The following DCHS2 variants were observed in gnomAD, a reference collection of about 807,000 sequenced individuals.
The protein encoded by DCHS2 is protocadherin-23.
In DCHS2, 142 loss-of-function variants were observed where a neutral mutation model predicts 182.4. The ratio of observed to expected loss-of-function variants is 0.78; its 90% confidence interval spans 0.68 to 0.89. DCHS2 has a LOEUF of 0.89. DCHS2 is among the 40% of genes least tolerant of loss of function. The pLI, the probability that DCHS2 is intolerant of heterozygous loss-of-function variation, is 0.00. For missense variants in DCHS2, 4,319 were observed against 4,198.6 expected (o/e 1.03, Z -0.79); for synonymous variants, 1,740 against 1,663.3 (o/e 1.05, Z -1.12).
At chr4:154,363,978 C>T (rs1730239218) in intron 3 of DCHS2, among the ~76,000 whole-genome samples, 1 of 152,204 alleles carries the variant, frequency 6.6e-6, no homozygotes, top group Non-Finnish European at 1.5e-5. Flanking sequence ...TACCAGTCCT[C>T]ATGAATTTCT....
intron 10 of DCHS2, 37 bp downstream of exon 10, chr4:154,315,711 A>G (rs1044338727): frequency 1.9e-6 from 3 of 1,593,834 alleles, no homozygotes; most frequent in Admixed American, 1.8e-5. Context: ...AATTTCTTTT[A>G]AGCATTAAAT....
chr4:154,258,059 C>T (rs1402065118), intron 15 of DCHS2, among the ~76,000 whole-genome samples: 1 of 152,232 alleles, frequency 6.6e-6, no homozygotes, highest in Non-Finnish European at 1.5e-5. Context: ...GCCATCCCCA[C>T]TGATCAGCCT....
rs544703550 is a variant in DCHS2, at chr4:154,317,850, C to T, written c.5021-1863G>A. Among the ~76,000 whole-genome samples the T allele has an allele frequency of 3.4e-4, 51 of 152,158 alleles. 1 individual carries two copies. Among genetic ancestry groups the T allele is most frequent in the Middle Eastern group, 6.8e-3 (2 of 294 alleles). ...CAGAGTACCTGACAGTGAATAAATG[C>T]TTCTTCAAAAAAAGAAATGTTACAA... On this transcript the variant is annotated intron_variant, in intron 9 of 19. Transcript: ENST00000357232.
intron 1 of DCHS2, among the ~76,000 whole-genome samples, chr4:154,395,851 A>G (rs1380179819): frequency 6.6e-6 from 1 of 152,214 alleles, no homozygotes; most frequent in Non-Finnish European, 1.5e-5. Context: ...AAGAGTTGCT[A>G]AGTAAGAAGA....
chr4:154,271,474 A>G (rs1733588364), intron 13 of DCHS2, among the ~76,000 whole-genome samples: 1 of 152,198 alleles, frequency 6.6e-6, no homozygotes, highest in Non-Finnish European at 1.5e-5. Context: ...ACAGGAAGCA[A>G]TGAAGAAATG....
At chr4:154,266,148 A>C (rs1733244784) in intron 14 of DCHS2, among the ~76,000 whole-genome samples, 1 of 152,146 alleles carries the variant, frequency 6.6e-6, no homozygotes, top group African/African-American at 2.4e-5. Flanking sequence ...AGTGAGGTAA[A>C]TGACATGGGC....
At chr4:154,268,530 G>C (rs1370440322) in intron 14 of DCHS2, among the ~76,000 whole-genome samples, 1 of 152,138 alleles carries the variant, frequency 6.6e-6, no homozygotes, top group Non-Finnish European at 1.5e-5. Flanking sequence ...TAAAACATAT[G>C]AATTGTTTAT....
At chr4:154,306,367 A>G (rs1393465747) in intron 10 of DCHS2, among the ~76,000 whole-genome samples, 1 of 152,126 alleles carries the variant, frequency 6.6e-6, no homozygotes, top group Non-Finnish European at 1.5e-5. Context: ...TACGTATATT[A>G]TTAATGATAT....
chr4:154,420,846 C>T (rs1244880356), intron 1 of DCHS2, among the ~76,000 whole-genome samples: 1 of 152,216 alleles, frequency 6.6e-6, no homozygotes, highest in Non-Finnish European at 1.5e-5. Context: ...ATCACACCCT[C>T]ATAGTAGGAC....
chr4:154,352,190 G>T (rs1280385438), intron 3 of DCHS2, among the ~76,000 whole-genome samples: 1 of 151,966 alleles, frequency 6.6e-6, no homozygotes, highest in East Asian at 1.9e-4. Flanking sequence ...TTTCTATATG[G>T]ACTTCCAAGA....
chr4:154,297,981 T>C lies in DCHS2; in HGVS notation c.6333A>G (p.Lys2111=). ...SEYFPIWLQL[K]VTDQGIPART... ...TGGCTGGAATGCCCTGGTCTGTAAC[T>C]TTTAACTGCAGCCAGATAGGGAAGT... Residue 2111 remains lysine, a synonymous_variant, in exon 13 of 20, where the codon AAA becomes AAG. Coordinates refer to ENST00000357232, the MANE Select transcript of DCHS2 (RefSeq NM_001358235.2). 1 of 1,614,150 alleles carries C rather than the reference T, an allele frequency of 6.2e-7. No homozygotes were observed. Among genetic ancestry groups the C allele is most frequent in the Non-Finnish European group, 8.5e-7 (1 of 1,180,004 alleles).
At chr4:154,439,104 T>C (rs997956875) in intron 1 of DCHS2, among the ~76,000 whole-genome samples, 1 of 152,228 alleles carries the variant, frequency 6.6e-6, no homozygotes, top group Non-Finnish European at 1.5e-5. Context: ...TATTATGCTA[T>C]TATAAGAATT....
At chr4:154,352,293 T>G (rs1729657360) in intron 3 of DCHS2, among the ~76,000 whole-genome samples, 1 of 152,210 alleles carries the variant, frequency 6.6e-6, no homozygotes, top group Non-Finnish European at 1.5e-5. Context: ...AAGGCTGAGA[T>G]AATAAGAAGC....
chr4:154,443,323 A>G (rs1021320292), intron 1 of DCHS2, among the ~76,000 whole-genome samples: 2 of 152,206 alleles, frequency 1.3e-5, no homozygotes, highest in African/African-American at 2.4e-5. Flanking sequence ...CTACCTGGAA[A>G]ATAAAATAAA....
At chr4:154,466,682 C>T (rs779718547) in intron 1 of DCHS2, among the ~76,000 whole-genome samples, 1 of 152,150 alleles carries the variant, frequency 6.6e-6, no homozygotes. Flanking sequence ...GCTCTAAAAG[C>T]TGAACTATTT....
chr4:154,446,116 T>G (rs1281604392), intron 1 of DCHS2, among the ~76,000 whole-genome samples: 1 of 152,222 alleles, frequency 6.6e-6, no homozygotes, highest in Non-Finnish European at 1.5e-5. Context: ...TCTCCTATGT[T>G]AGATATGTGG....
chr4:154,400,302 CAAA>C (rs56268638), intron 1 of DCHS2, among the ~76,000 whole-genome samples: 3 of 91,452 alleles, frequency 3.3e-5, no homozygotes, highest in Admixed American at 1.4e-4. Context: ...GACTTCGTCT[CAAA>C]AAAAAAAAAA....
intron 1 of DCHS2, among the ~76,000 whole-genome samples, chr4:154,445,142 ACTT>A (rs2110964347): frequency 6.6e-6 from 1 of 152,242 alleles, no homozygotes; most frequent in South Asian, 2.1e-4. Flanking sequence ...ATGAGTTGTT[ACTT>A]CTTCATTATC....
At chr4:154,281,759 A>G (rs1484402632) in intron 13 of DCHS2, among the ~76,000 whole-genome samples, 4 of 152,208 alleles carry the variant, frequency 2.6e-5, no homozygotes, top group African/African-American at 4.8e-5. Flanking sequence ...TAGAGGCTTC[A>G]TACTTACTGA....
Sources: allele counts gnomAD v4.1 joint callset (sites outside exome capture counted in the v4.1 genomes callset), GRCh38; gene constraint gnomAD v4.1.1; transcripts MANE v1.5; gene names NCBI Gene and HGNC (gene_info 2026-07-23, HGNC 2026-07-21).